FBF1: variants seen among roughly 807,000 people sequenced by gnomAD.
The protein encoded by FBF1 is fas-binding factor 1.
In FBF1, 119 loss-of-function variants were observed where a neutral mutation model predicts 147.2. The ratio of observed to expected loss-of-function variants is 0.81; its 90% CI spans 0.70 to 0.94. FBF1 has a LOEUF of 0.94. FBF1 is among the 40% of genes least tolerant of loss of function. The pLI is 0.00. For synonymous variants in FBF1, 601 were observed against 609.0 expected (o/e 0.99, Z 0.19); for missense variants, 1,449 against 1,500.8 (o/e 0.97, Z 0.57).
chr17:75,914,004 G>T lies in FBF1; in HGVS notation c.3038C>A (p.Ala1013Asp). The part of the protein sequence containing the change: ...YEEGERALRE[A>D]QQVQAEQQAR... ...CTGCTGCTCTGCCTGCACCTGCTGGGCCTCGCGCAATGCCCGCTCCCCCTC... is the reference window on the plus strand; with the variant it reads ...CTGCTGCTCTGCCTGCACCTGCTGGTCCTCGCGCAATGCCCGCTCCCCCTC... The change falls in exon 27 of 30, where the codon GCC (alanine) becomes GAC (aspartate). Residue 1013 changes from alanine (A) to aspartate (D), a missense_variant. Coordinates refer to ENST00000636174, the MANE Select transcript of FBF1 (RefSeq NM_001319193.2). 1 of 1,578,466 alleles carries T rather than the reference G, an allele frequency of 6.3e-7. No individual in the cohort carries two copies. Among genetic ancestry groups the T allele is most frequent in the Non-Finnish European group, 8.5e-7 (1 of 1,169,608 alleles).
Position 75,926,046 on chromosome 17 carries a change from C to T in FBF1, c.852G>A (p.Lys284=). Residue 284 remains lysine, a synonymous_variant, in exon 12 of 30, where the codon AAG becomes AAA. Transcript: ENST00000636174. ...GEHREFKLDK[K]YQRPQDSEDM... is the part of the protein sequence containing the mutation. The stretch of plus-strand genomic sequence containing the variant: ...CCTCCTTACCCTGTGGCCTCTGGTA[C>T]TTCTTGTCTAGCTTGAACTCCCTGT... The T allele has an allele frequency of 1.2e-6, 2 of 1,611,552 alleles. No individual in the cohort carries two copies. Among genetic ancestry groups the T allele is most frequent in the Non-Finnish European group, 1.7e-6 (2 of 1,179,548 alleles).
At chr17:75,932,664 G>A (rs550440801) in intron 5 of FBF1, among the ~76,000 whole-genome samples, 9 of 152,180 alleles carry the variant, frequency 5.9e-5, no homozygotes, top group African/African-American at 1.9e-4. Context: ...CGAGGTGGGC[G>A]GATCACCTGA....
In FBF1 at chr17:75,918,205, CCTTCA is replaced by C; in HGVS notation, c.2198_2202del (p.Leu733ArgfsTer19). ...CTGGTGGCCGCATCGACCTCTCGGT[CCTTCA>C]GCAGCTTTAGCCGCTGCAGCTGCTC... On this transcript the variant is annotated frameshift_variant, in exon 21 of 30. Transcript: ENST00000636174. LOFTEE classifies it high-confidence loss of function. This position sits in a 1 kb window ranked among gnomAD's most constrained non-coding sequence, Gnocchi z 5.8. The C allele has an allele frequency of 6.2e-7, 1 of 1,613,446 alleles. No individual in the cohort carries two copies. The highest frequency in any genetic ancestry group is 8.5e-7 in the Non-Finnish European group (1 of 1,179,866).
chr17:75,914,035 A>C lies in FBF1; in HGVS notation c.3007T>G (p.Tyr1003Asp). The C allele has an allele frequency of 1.3e-6, 2 of 1,588,514 alleles. No homozygotes were observed. The highest frequency in any genetic ancestry group is 1.1e-5 in the South Asian group (1 of 88,648). The change falls in exon 27 of 30, where the codon TAC becomes GAC. Residue 1003 changes from tyrosine (Y) to aspartate (D), a missense_variant. Transcript: ENST00000636174. ...CGCAATGCCCGCTCCCCCTCCTCGTACTTCTCGGAGGCCACCTGCAGGGAG... is the reference window on the plus strand; with the variant it reads ...CGCAATGCCCGCTCCCCCTCCTCGTCCTTCTCGGAGGCCACCTGCAGGGAG... ...ESMSKVASEKYEEGERALREA... is the reference protein window; with the variant it reads ...ESMSKVASEKDEEGERALREA...
intron 23 of FBF1, 97 bp from the exon 24 acceptor site, chr17:75,915,236 C>T (rs1242214993): frequency 6.9e-7 from 1 of 1,452,052 alleles, no homozygotes; most frequent in Non-Finnish European, 9.1e-7. Flanking sequence ...CAGTGTCTCC[C>T]ACACTATGCC....
rs1004838122 is a variant in FBF1 at position 75,909,946 on chromosome 17, T to G, written c.*777A>C. 2.0e-5 allele frequency: 14 copies of G among 698,570 alleles called. No individual in the cohort carries two copies. The Admixed American group carries it at 2.8e-4, about 14-fold the overall frequency. The allele number at this position is 698,570 out of a possible 1,614,324, so 43.3% of individuals were successfully genotyped here. ...TAGTTGTGATTGGTTCCTTGTCGCCTCCACTGCGTACCCGCTGAGCTGGGC... is the reference window on the plus strand; with the variant it reads ...TAGTTGTGATTGGTTCCTTGTCGCCGCCACTGCGTACCCGCTGAGCTGGGC... On this transcript the variant is annotated 3_prime_UTR_variant, in exon 30 of 30. Coordinates refer to ENST00000636174, the MANE Select transcript of FBF1 (RefSeq NM_001319193.2).
chr17:75,937,823 G>A (rs923776934), intron 2 of FBF1: 2 of 637,642 alleles, frequency 3.1e-6, no homozygotes, highest in African/African-American at 1.8e-5. Flanking sequence ...GGGCGGGCAG[G>A]TCACTCCTTT....
intron 6 of FBF1, 79 bp from the exon 7 acceptor site, chr17:75,930,126 C>T: frequency 2.5e-6 from 3 of 1,182,860 alleles, no homozygotes; most frequent in Non-Finnish European, 3.7e-6. Context: ...GTCCTGGCCC[C>T]TTGCTTCTGT....
At chr17:75,935,588 C>G (rs1337653197) in intron 4 of FBF1, 44 bp downstream of exon 4, 1 of 1,524,444 alleles carries the variant, frequency 6.6e-7, no homozygotes, top group African/African-American at 1.4e-5. Context: ...AAAAAAGCAA[C>G]AGCAGCAGCC....
intron 7 of FBF1, 52 bp downstream of exon 7, chr17:75,929,945 A>ATCCCCCCCCCC: frequency 1.5e-6 from 1 of 650,912 alleles, no homozygotes; most frequent in Non-Finnish European, 2.8e-6. Flanking sequence ...AAATATCATG[A>ATCCCCCCCCCC]CCCCACCCCA....
chr17:75,914,975 A>G, intron 24 of FBF1, 42 bp downstream of exon 24: 1 of 1,612,366 alleles, frequency 6.2e-7, no homozygotes, highest in Non-Finnish European at 8.5e-7. Context: ...GTCCCTGGGC[A>G]TAATGGCAGG....
rs970331313 is a variant in FBF1, at chr17:75,922,399, C to T, written c.1425-353G>A. ...CTAGATTAGGATTCTGCTCAGTCTA[C>T]CAAATCTGGCTGGCTCCCTTTCCCA... On this transcript the variant is annotated intron_variant, in intron 14 of 29. Transcript: ENST00000636174. The surrounding 1 kb of genome is among the most constrained non-coding windows in gnomAD (Gnocchi z 5.0). 4.6e-5 allele frequency among the ~76,000 whole-genome samples: 7 copies of T among 152,188 alleles called. No homozygotes were observed. Among genetic ancestry groups the T allele is most frequent in the African/African-American group, 1.7e-4 (7 of 41,440 alleles).
chr17:75,919,639 C>A lies in FBF1; in HGVS notation c.2138+29G>T. On this transcript the variant is annotated intron_variant, in intron 20 of 29. Coordinates refer to ENST00000636174, the MANE Select transcript of FBF1 (RefSeq NM_001319193.2). This position sits in a 1 kb window ranked among gnomAD's most constrained non-coding sequence, Gnocchi z 5.0. Reference sequence around the variant, plus strand: ...CTTCCGGCTACTCCTTGCAAGCCTGCTCCCCAGCTGCCTGTCCCTGGGCCT... The same window carrying A: ...CTTCCGGCTACTCCTTGCAAGCCTGATCCCCAGCTGCCTGTCCCTGGGCCT... 1 of 1,567,228 alleles carries A rather than the reference C, an allele frequency of 6.4e-7. No homozygotes were observed.
chr17:75,911,576 T>A (rs2065456801), intron 29 of FBF1, among the ~76,000 whole-genome samples: 1 of 152,180 alleles, frequency 6.6e-6, no homozygotes, highest in Admixed American at 6.5e-5. Flanking sequence ...TGGAGTGCAG[T>A]GGCACCGTTG....
intron 15 of FBF1, 146 bp downstream of exon 15, chr17:75,921,799 G>T: frequency 1.3e-6 from 1 of 784,450 alleles, no homozygotes; most frequent in Non-Finnish European, 2.0e-6. Context: ...GTAGGGCACA[G>T]GGACGGAGCA....
chr17:75,922,107 A>G lies in FBF1; in HGVS notation c.1425-61T>C, dbSNP rs1392645408. 17 of 1,443,468 alleles carry G rather than the reference A, an allele frequency of 1.2e-5. No homozygotes were observed. In the South Asian group the frequency reaches 2.1e-4, roughly 18 times the overall value. The allele number at this position is 1,443,468 out of a possible 1,614,324, so 89.4% of individuals were successfully genotyped here. On this transcript the variant is annotated intron_variant, in intron 14 of 29. Coordinates refer to ENST00000636174, the MANE Select transcript of FBF1 (RefSeq NM_001319193.2). This position sits in a 1 kb window ranked among gnomAD's most constrained non-coding sequence, Gnocchi z 5.0. ...AAGGCCCAGGTCAGGCTGGATGAAGACAGGGCCCAGGACGGGCTTCACACG... is the reference window on the plus strand; with the variant it reads ...AAGGCCCAGGTCAGGCTGGATGAAGGCAGGGCCCAGGACGGGCTTCACACG...
rs992004698 is a variant in FBF1 at position 75,914,671 on chromosome 17, C to T, written c.2814+76G>A. 7.1e-6 allele frequency: 10 copies of T among 1,410,190 alleles called. No individual in the cohort carries two copies. The South Asian group carries it at 1.0e-4, about 14-fold the overall frequency. The allele number at this position is 1,410,190 out of a possible 1,614,324, so 87.4% of individuals were successfully genotyped here. A position where few individuals can be genotyped will look rare whatever the true frequency, so the allele number is the denominator to read the frequency against. On this transcript the variant is annotated intron_variant, in intron 25 of 29. Transcript: ENST00000636174. ...AGTGCTACACTCTCCTTTCCTAAGA[C>T]TGGAAGCGGATGTGTCCAGATGGAG...
At chr17:75,930,069 G>A (rs1352274519) in intron 6 of FBF1, 22 bp from the exon 7 acceptor site, 1 of 1,548,134 alleles carries the variant, frequency 6.5e-7, no homozygotes, top group South Asian at 1.2e-5. Context: ...ATGAGGGTGA[G>A]GACACAGATG....
In FBF1 at chr17:75,918,260, G is replaced by C. The variant is rs759194481; in HGVS notation, c.2148C>G (p.Ile716Met). ...CCTCGTGGTCTCTGCGCATGTCTAG[G>C]ATGGACGCCCTGAGGGGAGGCGGGA... is the stretch of plus-strand genomic sequence containing the variant. Reference protein sequence around the residue: ...ERLRELQRASILDMRRDHEEQ... With the variant: ...ERLRELQRASMLDMRRDHEEQ... Residue 716 changes from isoleucine (I) to methionine (M), a missense_variant, in exon 21 of 30, where the codon ATC (isoleucine) becomes ATG (methionine). Ile to Met is a conservative substitution (Grantham distance 10, BLOSUM62 1). Coordinates refer to ENST00000636174, the MANE Select transcript of FBF1 (RefSeq NM_001319193.2). The surrounding 1 kb of genome is among the most constrained non-coding windows in gnomAD (Gnocchi z 5.8). The C allele has an allele frequency of 1.2e-6, 2 of 1,612,780 alleles. No homozygotes were observed. The highest frequency in any genetic ancestry group is 2.2e-5 in the South Asian group (2 of 91,058).
Sources: allele counts gnomAD v4.1 joint callset (sites outside exome capture counted in the v4.1 genomes callset), GRCh38; gene constraint gnomAD v4.1.1; non-coding constraint Gnocchi (gnomAD v3.1); transcripts MANE v1.5; gene names NCBI Gene and HGNC (gene_info 2026-07-23, HGNC 2026-07-21).